CCDC141: variants seen among roughly 807,000 people sequenced by gnomAD.
CCDC141 encodes the protein coiled-coil domain-containing protein 141.
CCDC141 carries 168 observed loss-of-function variants against 181.0 expected under a neutral mutation model. The ratio of observed to expected loss-of-function variants is 0.93; its 90% CI spans 0.82 to 1.05. The LOEUF (loss-of-function observed/expected upper bound fraction) is 1.05. CCDC141 is among the 50% of genes least tolerant of loss of function. The pLI, the probability that CCDC141 is intolerant of heterozygous loss-of-function variation, is 0.00. For missense variants in CCDC141, 1,902 were observed against 1,788.5 expected (o/e 1.06, Z -1.14); for synonymous variants, 666 against 642.3 (o/e 1.04, Z -0.56).
In CCDC141 at chr2:178,985,075, TC is replaced by T. The variant is rs1575306156; in HGVS notation, c.226-6401del. On this transcript the variant is annotated intron_variant, in intron 2 of 23. Transcript: ENST00000443758. ...GACCACATACTTGGAAGTAAAGCTC[TC>T]CTCGGCAAATGTAAAAGAACAGAAA... 2.6e-5 allele frequency among the ~76,000 whole-genome samples: 4 copies of T among 151,560 alleles called. No individual in the cohort carries two copies. The East Asian group carries it at 5.8e-4, about 22-fold the overall frequency.
At chr2:178,860,543 C>CTTTTTTTTTT (rs71023458) in intron 17 of CCDC141, among the ~76,000 whole-genome samples, 3 of 51,338 alleles carry the variant, frequency 5.8e-5, no homozygotes, top group African/African-American at 8.4e-5. Flanking sequence ...AAAAACAACA[C>CTTTTTTTTTT]TTTTTTTTTT....
chr2:179,011,240 C>G (rs940033026), intron 2 of CCDC141, among the ~76,000 whole-genome samples: 1 of 151,658 alleles, frequency 6.6e-6, no homozygotes, highest in Non-Finnish European at 1.5e-5. Flanking sequence ...ATTTGCCTAA[C>G]ACATAAGAAC....
Position 178,856,206 on chromosome 2 carries a change from G to T in CCDC141, c.2865+51C>A, listed in dbSNP as rs555055102. On this transcript the variant is annotated intron_variant, in intron 18 of 23. Transcript: ENST00000443758. ...TTCAAAACAATTTTGCAATAATTGTGTAGTACATGCATACACATGCGCACA... is the reference window on the plus strand; with the variant it reads ...TTCAAAACAATTTTGCAATAATTGTTTAGTACATGCATACACATGCGCACA... The T allele has an allele frequency of 4.2e-6, 6 of 1,434,216 alleles. No individual in the cohort carries two copies. In the East Asian group the frequency reaches 1.2e-4, roughly 28 times the overall value. The allele number at this position is 1,434,216 out of a possible 1,614,324, so 88.8% of individuals were successfully genotyped here.
At chr2:179,025,748 C>T (rs1191937284) in intron 2 of CCDC141, among the ~76,000 whole-genome samples, 2 of 152,098 alleles carry the variant, frequency 1.3e-5, no homozygotes, top group Non-Finnish European at 2.9e-5. Context: ...CAGAAGAAGA[C>T]AGGAAAATGT....
At position 178,869,382 on chromosome 2, in the gene CCDC141, A is replaced by G. The variant is rs188461364; in HGVS notation, c.2206-77T>C. 1,034 of 999,576 alleles carry G rather than the reference A, an allele frequency of 1.0e-3. 5 individuals are homozygous for G. Among genetic ancestry groups the G allele is most frequent in the East Asian group, 1.5e-3 (55 of 37,376 alleles). The allele number at this position is 999,576 out of a possible 1,614,324, so 61.9% of individuals were successfully genotyped here. A position where few individuals can be genotyped will look rare whatever the true frequency, so the allele number is the denominator to read the frequency against. ...TTTACAACTGACAATATAAAGGTCT[A>G]AACAATGAATCACTCTTTCATTTGT... On this transcript the variant is annotated intron_variant, in intron 14 of 23. Transcript: ENST00000443758.
chr2:179,034,743 G>C (rs1029428279), intron 2 of CCDC141, among the ~76,000 whole-genome samples: 1 of 152,140 alleles, frequency 6.6e-6, no homozygotes, highest in African/African-American at 2.4e-5. Flanking sequence ...ATTCATAATG[G>C]TATATTAGGC....
intron 2 of CCDC141, among the ~76,000 whole-genome samples, chr2:179,018,621 A>G (rs1223914748): frequency 6.6e-6 from 1 of 152,174 alleles, no homozygotes; most frequent in Admixed American, 6.6e-5. Context: ...TGCCTTCTCC[A>G]TGAAACCCTT....
intron 6 of CCDC141, among the ~76,000 whole-genome samples, chr2:178,942,784 T>C (rs910367425): frequency 6.6e-6 from 1 of 152,136 alleles, no homozygotes; most frequent in African/African-American, 2.4e-5. Context: ...GAAATCTTTA[T>C]GCCTTCCTCT....
Position 178,834,333 on chromosome 2 carries a change from A to G in CCDC141, c.4433T>C (p.Leu1478Pro). ...AGAGTTTTGGGCCCGAGCCACATAG[A>G]GGCCTGCGTCTGCCTTGCATACCTT... ...IPKVCKADAG[L>P]YVARAQNSSG... The change falls in exon 24 of 24, where the codon CTC (leucine) becomes CCC (proline). Residue 1478 changes from leucine (L) to proline (P), a missense_variant. Leu to Pro is a moderately conservative substitution (Grantham distance 98). Coordinates refer to ENST00000443758, the MANE Select transcript of CCDC141 (RefSeq NM_173648.4). The G allele has an allele frequency of 6.5e-7, 1 of 1,536,150 alleles. No homozygotes were observed. Among genetic ancestry groups the G allele is most frequent in the Non-Finnish European group, 8.7e-7 (1 of 1,146,880 alleles).
intron 2 of CCDC141, among the ~76,000 whole-genome samples, chr2:178,979,738 T>C (rs139250369): frequency 1.2e-3 from 182 of 152,296 alleles, no homozygotes; most frequent in African/African-American, 3.9e-3. Context: ...TTTATAATGA[T>C]AAATAGTGCA....
chr2:178,913,453 T>A (rs1363393805), intron 7 of CCDC141, among the ~76,000 whole-genome samples: 1 of 150,286 alleles, frequency 6.7e-6, no homozygotes, highest in African/African-American at 2.4e-5. Context: ...ACCATTTTAA[T>A]TATTTTTTTT....
intron 4 of CCDC141, among the ~76,000 whole-genome samples, chr2:178,962,024 A>G (rs1196529650): frequency 6.6e-6 from 1 of 152,220 alleles, no homozygotes; most frequent in African/African-American, 2.4e-5. Flanking sequence ...TGGAACTTCC[A>G]ATTATTAAAA....
intron 4 of CCDC141, among the ~76,000 whole-genome samples, chr2:178,963,931 C>T (rs1043299366): frequency 2.0e-5 from 3 of 151,968 alleles, no homozygotes; most frequent in South Asian, 2.1e-4. Flanking sequence ...ATGTAAATAG[C>T]GTAAGAAAAG....
chr2:178,868,199 G>T lies in CCDC141; in HGVS notation c.2401C>A (p.Arg801Ser), dbSNP rs375119570. 22 of 1,606,212 alleles carry T rather than the reference G, an allele frequency of 1.4e-5. No homozygotes were observed. In the African/African-American group the frequency reaches 2.7e-4, roughly 19 times the overall value. The change falls in exon 16 of 24, where the codon CGT (arginine) becomes AGT (serine). Residue 801 changes from arginine to serine, a missense_variant. Physicochemically the swap from Arg to Ser is moderately radical, Grantham distance 110. Transcript: ENST00000443758. ...TCCAGCTCTCTTGATTTGATGAGAC[G>T]TCCCAGCTACAATTTAGGGCATTAA... ...QFHQVKEELG[R>S]LIKSRELEFV...
intron 11 of CCDC141, among the ~76,000 whole-genome samples, chr2:178,881,911 TCTCTCACACACACA>T (rs1183042321): frequency 1.5e-4 from 16 of 107,246 alleles, no homozygotes; most frequent in East Asian, 4.9e-4. Flanking sequence ...TCTCTCTCTC[TCTCTCACACACACA>T]CACACACACA....
the CCDC141 span, among the ~76,000 whole-genome samples, chr2:178,816,384 C>T: frequency 7.2e-3 from 1,089 of 152,250 alleles, 3 homozygotes; most frequent in African/African-American, 0.025. Context: ...TCGTGTACTT[C>T]TTATTGCCTA....
intron 8 of CCDC141, among the ~76,000 whole-genome samples, chr2:178,900,048 A>T (rs898315439): frequency 6.6e-6 from 1 of 152,180 alleles, no homozygotes; most frequent in Non-Finnish European, 1.5e-5. Context: ...TTGCCAAGAA[A>T]CAATTTTATT....
chr2:178,961,792 G>A (rs1690414238), intron 4 of CCDC141, among the ~76,000 whole-genome samples: 1 of 152,204 alleles, frequency 6.6e-6, no homozygotes, highest in Non-Finnish European at 1.5e-5. Flanking sequence ...GCAGTTTTCA[G>A]CGGTATGATG....
chr2:178,915,162 C>G (rs1188782068), intron 7 of CCDC141, among the ~76,000 whole-genome samples: 2 of 151,618 alleles, frequency 1.3e-5, no homozygotes, highest in African/African-American at 4.9e-5. Context: ...GACAGTGAGA[C>G]CCTGTCCCCA....
Sources: gnomAD v4.1 joint callset for allele counts (sites outside exome capture counted in the v4.1 genomes callset) on GRCh38, gnomAD v4.1.1 for gene constraint, MANE v1.5 for transcripts, NCBI Gene and HGNC (gene_info 2026-07-23, HGNC 2026-07-21) for gene names.